DEPDC1B: variants seen among roughly 807,000 people sequenced by gnomAD.
DEPDC1B encodes DEP domain containing 1B, also known as DEP domain-containing protein 1B.
A neutral mutation model predicts 66.5 loss-of-function variants in DEPDC1B; 51 were observed. That is an observed-to-expected ratio of 0.77 (90% CI 0.61 to 0.97). DEPDC1B has a LOEUF of 0.97. DEPDC1B is among the 50% of genes least tolerant of loss of function. The probability of loss-of-function intolerance (pLI) is 0.00; values close to 1 mark genes in which losing one functional copy is unlikely to be tolerated. For missense variants in DEPDC1B, 552 were observed against 637.1 expected (o/e 0.87, Z 1.44); for synonymous variants, 226 against 223.6 (o/e 1.01, Z -0.10).
rs971904813 is a variant in DEPDC1B, at chr5:60,599,117, A to G, written c.1386T>C (p.Asp462=). The change falls in exon 10 of 11, where the codon GAT becomes GAC. Residue 462 remains aspartate, a synonymous_variant. Transcript: ENST00000265036. ...TTTTCTCTTTGTTGGAGAGTTTGGC[A>G]TCTGTTATGACTTCCTCCAACAAGG... ...LAALLEEVIT[D]AKLSNKEKKK... 6.2e-6 allele frequency: 10 copies of G among 1,607,906 alleles called. No homozygotes were observed. Among genetic ancestry groups the G allele is most frequent in the Non-Finnish European group, 5.9e-6 (7 of 1,177,960 alleles).
chr5:60,649,858 C>T (rs544895639), intron 2 of DEPDC1B, among the ~76,000 whole-genome samples: 18 of 152,148 alleles, frequency 1.2e-4, no homozygotes, highest in African/African-American at 4.3e-4. Context: ...AAGATTCTTT[C>T]TTAAACTCAG....
chr5:60,607,409 A>C (rs776697490), intron 7 of DEPDC1B, among the ~76,000 whole-genome samples: 4 of 152,186 alleles, frequency 2.6e-5, no homozygotes, highest in African/African-American at 4.8e-5. Context: ...ATTCCACATC[A>C]TCAAATCATG....
At chr5:60,620,796 A>G (rs2111783144) in intron 7 of DEPDC1B, among the ~76,000 whole-genome samples, 1 of 152,348 alleles carries the variant, frequency 6.6e-6, no homozygotes, top group South Asian at 2.1e-4. Context: ...CTGGGTATAT[A>G]CACAAAGGAT....
At position 60,605,757 on chromosome 5, in the gene DEPDC1B, ATCC is replaced by A. The variant is rs768388854; in HGVS notation, c.995_997del (p.Arg332del). 12 of 1,613,846 alleles carry A rather than the reference ATCC, an allele frequency of 7.4e-6. No homozygotes were observed. The highest frequency in any genetic ancestry group is 4.2e-6 in the Non-Finnish European group (5 of 1,179,810). ...TTTGTTTAAGCAAATCCTTGCCATC[ATCC>A]TCATCAATAGCTGTAACTTTCTCCT... On this transcript the variant is annotated inframe_deletion, in exon 8 of 11. Coordinates refer to ENST00000265036, the MANE Select transcript of DEPDC1B (RefSeq NM_018369.3).
At chr5:60,640,887 G>A (rs559017649) in intron 6 of DEPDC1B, among the ~76,000 whole-genome samples, 2 of 151,736 alleles carry the variant, frequency 1.3e-5, no homozygotes, top group African/African-American at 2.4e-5. Context: ...AGTAGATTCT[G>A]AGGGTCAACA....
chr5:60,654,345 G>C (rs1256312666), intron 2 of DEPDC1B, among the ~76,000 whole-genome samples: 1 of 146,684 alleles, frequency 6.8e-6, no homozygotes, highest in Non-Finnish European at 1.5e-5. Context: ...TATTCCCTAA[G>C]TTTTTTGGTG....
intron 7 of DEPDC1B, among the ~76,000 whole-genome samples, chr5:60,616,025 C>G (rs889910272): frequency 2.6e-5 from 4 of 152,234 alleles, no homozygotes; most frequent in Admixed American, 1.3e-4. Context: ...GATACCCAGG[C>G]AAACAGGGTC....
intron 7 of DEPDC1B, among the ~76,000 whole-genome samples, chr5:60,614,908 T>C (rs867832115): frequency 6.6e-6 from 1 of 152,272 alleles, no homozygotes; most frequent in Admixed American, 6.5e-5. Flanking sequence ...GGAGAATCAC[T>C]TGAACCTGGG....
intron 7 of DEPDC1B, among the ~76,000 whole-genome samples, chr5:60,608,584 C>T (rs1480562023): frequency 6.7e-6 from 1 of 150,060 alleles, no homozygotes; most frequent in Non-Finnish European, 1.5e-5. Flanking sequence ...ATTATAAAGC[C>T]TTTATGAAAA....
chr5:60,679,583 G>A (rs1754246884), intron 2 of DEPDC1B, among the ~76,000 whole-genome samples: 2 of 152,048 alleles, frequency 1.3e-5, no homozygotes, highest in South Asian at 4.2e-4. Context: ...GAATGAGACA[G>A]GCAGGAAATA....
At chr5:60,616,708 A>T (rs979069629) in intron 7 of DEPDC1B, among the ~76,000 whole-genome samples, 2 of 152,158 alleles carry the variant, frequency 1.3e-5, no homozygotes, top group Non-Finnish European at 2.9e-5. Context: ...GTTGGAAAAA[A>T]CTCTTCAGGA....
intron 2 of DEPDC1B, among the ~76,000 whole-genome samples, chr5:60,662,883 A>G (rs1192641559): frequency 1.3e-5 from 2 of 152,124 alleles, no homozygotes; most frequent in East Asian, 1.9e-4. Flanking sequence ...TCTCCTGGAC[A>G]CTGACGTGGC....
intron 2 of DEPDC1B, among the ~76,000 whole-genome samples, chr5:60,672,063 G>A (rs1754053790): frequency 6.6e-6 from 1 of 152,356 alleles, no homozygotes; most frequent in East Asian, 1.9e-4. Flanking sequence ...AATTCTGACA[G>A]AGGTTATATG....
chr5:60,603,643 G>A (rs1584019777), intron 8 of DEPDC1B, 76 bp from the exon 9 acceptor site: 2 of 1,428,496 alleles, frequency 1.4e-6, no homozygotes, highest in East Asian at 2.4e-5. Context: ...TTTGCAAAAG[G>A]CAAATATGAG....
intron 9 of DEPDC1B, among the ~76,000 whole-genome samples, chr5:60,599,592 G>A (rs1464001818): frequency 1.3e-5 from 2 of 152,208 alleles, no homozygotes; most frequent in Non-Finnish European, 2.9e-5. Context: ...TGCTCGTGAT[G>A]GCCTTGATGC....
chr5:60,698,304 T>G (rs1754701261), intron 1 of DEPDC1B, among the ~76,000 whole-genome samples: 1 of 152,212 alleles, frequency 6.6e-6, no homozygotes, highest in African/African-American at 2.4e-5. Context: ...CATCAAGAAG[T>G]GGAGTTGAAT....
At chr5:60,672,658 C>G (rs1345637687) in intron 2 of DEPDC1B, among the ~76,000 whole-genome samples, 1 of 152,172 alleles carries the variant, frequency 6.6e-6, no homozygotes, top group Non-Finnish European at 1.5e-5. Flanking sequence ...TACATCTATT[C>G]TTGGTGACCA....
chr5:60,691,758 T>C (rs754970545), intron 1 of DEPDC1B, among the ~76,000 whole-genome samples: 3 of 152,128 alleles, frequency 2.0e-5, no homozygotes, highest in Non-Finnish European at 2.9e-5. Context: ...GTAAAAGAAC[T>C]CGACAAGTCA....
At chr5:60,626,930 A>T (rs1752819713) in intron 7 of DEPDC1B, among the ~76,000 whole-genome samples, 1 of 152,088 alleles carries the variant, frequency 6.6e-6, no homozygotes, top group African/African-American at 2.4e-5. Flanking sequence ...TGAGGTAGGG[A>T]TGTGATCAAA....
Sources: gnomAD v4.1 joint callset for allele counts (sites outside exome capture counted in the v4.1 genomes callset) on GRCh38, gnomAD v4.1.1 for gene constraint, MANE v1.5 for transcripts, NCBI Gene and HGNC (gene_info 2026-07-23, HGNC 2026-07-21) for gene names.